Variants in ASCC3 observed in about 807,000 individuals in gnomAD.
ASCC3 encodes activating signal cointegrator 1 complex subunit 3, also known as ASC-1 complex subunit P200.
In ASCC3, 158 loss-of-function variants were observed where a neutral mutation model predicts 256.3. The observed-to-expected ratio is 0.62, with a 90% confidence interval of 0.54 to 0.70. The LOEUF (loss-of-function observed/expected upper bound fraction) is 0.70. Among genes scored for constraint, ASCC3 ranks in the 30% least tolerant of loss-of-function variants. ASCC3 has a pLI of 0.00. For missense variants in ASCC3, 2,259 were observed against 2,626.0 expected (o/e 0.86, Z 3.05); for synonymous variants, 948 against 883.4 (o/e 1.07, Z -1.30).
intron 30 of ASCC3, among the ~76,000 whole-genome samples, chr6:100,620,910 C>A (rs1773920405): frequency 6.6e-6 from 1 of 152,182 alleles, no homozygotes; most frequent in African/African-American, 2.4e-5. Context: ...ACAACTAAAA[C>A]ACCTGCTTTA....
intron 8 of ASCC3, among the ~76,000 whole-genome samples, chr6:100,794,433 C>G (rs1257358000): frequency 6.6e-6 from 1 of 152,044 alleles, no homozygotes; most frequent in Non-Finnish European, 1.5e-5. Context: ...CTTTGTCTAT[C>G]TGGCAAAAGT....
intron 4 of ASCC3, among the ~76,000 whole-genome samples, chr6:100,827,250 C>T (rs1771363362): frequency 6.6e-6 from 1 of 152,162 alleles, no homozygotes; most frequent in African/African-American, 2.4e-5. Flanking sequence ...ATTATAATGA[C>T]AAGTAACCAC....
chr6:100,677,337 T>TAAAAAAAAAAAAAAAAA (rs879435725), intron 14 of ASCC3, among the ~76,000 whole-genome samples: 1 of 147,472 alleles, frequency 6.8e-6, no homozygotes, highest in Non-Finnish European at 1.5e-5. Context: ...CTATTTTATT[T>TAAAAAAAAAAAAAAAAA]AAAAAAAAAA....
intron 25 of ASCC3, among the ~76,000 whole-genome samples, chr6:100,634,998 T>C (rs1183190820): frequency 6.2e-4 from 94 of 151,928 alleles, no homozygotes; most frequent in Non-Finnish European, 4.4e-5. Context: ...GAAGACAATC[T>C]GGAATTTCTT....
Position 100,800,366 on chromosome 6 carries a change from G to A in ASCC3, c.1061C>T (p.Ala354Val). Residue 354 changes from alanine to valine, a missense_variant, in exon 6 of 42, where the codon GCT (alanine) becomes GTT (valine). Physicochemically the swap from Ala to Val is moderately conservative, Grantham distance 64. Coordinates refer to ENST00000369162, the MANE Select transcript of ASCC3 (RefSeq NM_006828.4). ...EKRIARREKK[A>V]GEDLEVSEGL... The stretch of plus-strand genomic sequence containing the variant: ...TTCTGAAACTTCTAAATCTTCTCCA[G>A]CCTTTTTTTCTCGTCTGGCAATTCT... 1 of 1,612,858 alleles carries A rather than the reference G, an allele frequency of 6.2e-7. No individual in the cohort carries two copies.
chr6:100,785,621 A>G (rs566875018), intron 8 of ASCC3, among the ~76,000 whole-genome samples: 1 of 152,274 alleles, frequency 6.6e-6, no homozygotes, highest in South Asian at 2.1e-4. Flanking sequence ...TATGTTGCCC[A>G]GGCTGGCCTT....
At chr6:100,807,171 T>C (rs776766737) in intron 4 of ASCC3, among the ~76,000 whole-genome samples, 1 of 151,850 alleles carries the variant, frequency 6.6e-6, no homozygotes, top group African/African-American at 2.4e-5. Flanking sequence ...AATTCGGTAA[T>C]ATAAAAGACA....
At chr6:100,607,220 G>T in intron 30 of ASCC3, 132 bp from the exon 31 acceptor site, 1 of 921,958 alleles carries the variant, frequency 1.1e-6, no homozygotes, top group African/African-American at 1.7e-5. Context: ...CCTATATACA[G>T]TTATGATTAA....
At chr6:100,727,778 A>G (rs1779708423) in intron 10 of ASCC3, among the ~76,000 whole-genome samples, 1 of 152,152 alleles carries the variant, frequency 6.6e-6, no homozygotes, top group South Asian at 2.1e-4. Flanking sequence ...GTGGCTTCAC[A>G]AAGAACTGAG....
At chr6:100,792,277 GA>G (rs1769385413) in intron 8 of ASCC3, among the ~76,000 whole-genome samples, 1 of 151,822 alleles carries the variant, frequency 6.6e-6, no homozygotes, top group Non-Finnish European at 1.5e-5. Flanking sequence ...TATATTTCGT[GA>G]AGCAAATATT....
At chr6:100,628,089 A>G in intron 27 of ASCC3, 102 bp from the exon 28 acceptor site, 1 of 1,247,278 alleles carries the variant, frequency 8.0e-7, no homozygotes, top group Non-Finnish European at 1.1e-6. Flanking sequence ...AAAAAACAAA[A>G]ACAAAAAAAA....
chr6:100,823,136 C>T (rs1020675535), intron 4 of ASCC3, among the ~76,000 whole-genome samples: 7 of 152,138 alleles, frequency 4.6e-5, no homozygotes, highest in Non-Finnish European at 8.8e-5. Context: ...GATCAGCTGC[C>T]ATTAGATTTA....
intron 4 of ASCC3, among the ~76,000 whole-genome samples, chr6:100,826,352 C>G (rs1771309374): frequency 1.3e-5 from 2 of 152,058 alleles, no homozygotes; most frequent in African/African-American, 2.4e-5. Context: ...AGGCTGGTCT[C>G]AAACTCCTGA....
chr6:100,515,312 C>T (rs1033425859), intron 39 of ASCC3, among the ~76,000 whole-genome samples: 2 of 152,042 alleles, frequency 1.3e-5, no homozygotes, highest in African/African-American at 2.4e-5. Context: ...TTGGGTTCAA[C>T]AGAAACTGAA....
At chr6:100,768,943 T>C (rs1781790885) in intron 8 of ASCC3, among the ~76,000 whole-genome samples, 1 of 152,108 alleles carries the variant, frequency 6.6e-6, no homozygotes, top group African/African-American at 2.4e-5. Context: ...ATATTTGAAA[T>C]GAAATAGCAC....
At chr6:100,568,081 T>A (rs1770365293) in intron 36 of ASCC3, among the ~76,000 whole-genome samples, 2 of 151,974 alleles carry the variant, frequency 1.3e-5, no homozygotes, top group African/African-American at 4.8e-5. Flanking sequence ...ATAATAGCCA[T>A]TCTGGGCTGG....
chr6:100,694,888 G>A (rs1778011964), intron 13 of ASCC3, among the ~76,000 whole-genome samples: 2 of 152,150 alleles, frequency 1.3e-5, no homozygotes, highest in Middle Eastern at 3.2e-3. Flanking sequence ...ATGGGTAAAA[G>A]TTTGATGAGG....
chr6:100,780,070 A>T (rs930411106), intron 8 of ASCC3, among the ~76,000 whole-genome samples: 4 of 152,214 alleles, frequency 2.6e-5, no homozygotes, highest in African/African-American at 9.6e-5. Flanking sequence ...ATATATACTT[A>T]CATCTTCTAG....
chr6:100,513,663 T>G (rs911060317), intron 39 of ASCC3, among the ~76,000 whole-genome samples: 1 of 152,126 alleles, frequency 6.6e-6, no homozygotes, highest in African/African-American at 2.4e-5. Flanking sequence ...ATCATCATAC[T>G]GAGAATACCA....
Sources: allele counts gnomAD v4.1 joint callset (sites outside exome capture counted in the v4.1 genomes callset), GRCh38; gene constraint gnomAD v4.1.1; transcripts MANE v1.5; gene names NCBI Gene and HGNC (gene_info 2026-07-23, HGNC 2026-07-21).